ELAVL2: variants seen among roughly 807,000 people sequenced by gnomAD.
ELAVL2 encodes the protein ELAV like RNA binding protein 2, also known as ELAV-like protein 2.
ELAVL2 carries 4 observed loss-of-function variants against 34.6 expected under a neutral mutation model. The ratio of observed to expected loss-of-function variants is 0.12; its 90% CI spans 0.06 to 0.26. The LOEUF (loss-of-function observed/expected upper bound fraction) is 0.26, where lower values mean the gene tolerates loss of function less well. Among genes scored for constraint, ELAVL2 ranks in the 10% least tolerant of loss-of-function variants. The pLI, the probability that ELAVL2 is intolerant of heterozygous loss-of-function variation, is 1.00. For synonymous variants in ELAVL2, 193 were observed against 154.8 expected (o/e 1.25, Z -1.83); for missense variants, 432 against 442.8 (o/e 0.98, Z 0.22).
At chr9:23,732,414 A>AT (rs1377039393) in intron 2 of ELAVL2, among the ~76,000 whole-genome samples, 2 of 152,288 alleles carry the variant, frequency 1.3e-5, no homozygotes, top group East Asian at 3.9e-4. Flanking sequence ...ATCAAAATGT[A>AT]TTTTTTCCTT....
chr9:23,800,775 G>A (rs537245498), intron 1 of ELAVL2, among the ~76,000 whole-genome samples: 7 of 152,122 alleles, frequency 4.6e-5, no homozygotes, highest in Non-Finnish European at 7.3e-5. Flanking sequence ...AACAGATGAC[G>A]TATGAAATTT....
At chr9:23,776,739 CAAAAAAAAAA>C (rs34583759) in intron 1 of ELAVL2, among the ~76,000 whole-genome samples, 1 of 77,708 alleles carries the variant, frequency 1.3e-5, no homozygotes, top group South Asian at 4.8e-4. Context: ...AGTTTGCTAT[CAAAAAAAAAA>C]AAAAAAAAAA....
At chr9:23,781,655 C>G (rs1160831060) in intron 1 of ELAVL2, among the ~76,000 whole-genome samples, 1 of 151,668 alleles carries the variant, frequency 6.6e-6, no homozygotes, top group Non-Finnish European at 1.5e-5. Context: ...GCTGGGACCA[C>G]AGGTACACAC....
At chr9:23,730,157 C>T (rs958343536) in intron 3 of ELAVL2, among the ~76,000 whole-genome samples, 5 of 152,108 alleles carry the variant, frequency 3.3e-5, no homozygotes, top group African/African-American at 9.7e-5. Context: ...ATTGATGGTA[C>T]AGCTAACTAA....
intron 2 of ELAVL2, among the ~76,000 whole-genome samples, chr9:23,732,000 A>T (rs1284700817): frequency 6.6e-6 from 1 of 152,214 alleles, no homozygotes; most frequent in Non-Finnish European, 1.5e-5. Flanking sequence ...AGTCAATCGC[A>T]ATGGTCTCAA....
Position 23,762,144 on chromosome 9 carries a change from A to G in ELAVL2, c.91T>C (p.Ser31Pro). The G allele has an allele frequency of 6.2e-7, 1 of 1,613,634 alleles. No homozygotes were observed. Among genetic ancestry groups the G allele is most frequent in the Non-Finnish European group, 8.5e-7 (1 of 1,179,636 alleles). Residue 31 changes from serine (S) to proline (P), a missense_variant, in exon 2 of 7, where the codon TCT becomes CCT. Ser to Pro is a moderately conservative substitution (Grantham distance 74, BLOSUM62 -1). Transcript: ENST00000397312. The part of the protein sequence containing the change: ...INNNCSSPVD[S>P]GNTEDSKTNL... ...GTCTTGCTGTCTTCTGTGTTCCCAG[A>G]GTCAACTGGTGACGAACAGTTGTTG...
chr9:23,780,716 A>G (rs957649172), intron 1 of ELAVL2, among the ~76,000 whole-genome samples: 2 of 152,252 alleles, frequency 1.3e-5, no homozygotes, highest in African/African-American at 4.8e-5. Flanking sequence ...TTCCATAACT[A>G]AAACATCAGA....
At chr9:23,820,147 T>C (rs778134957) in intron 1 of ELAVL2, among the ~76,000 whole-genome samples, 28 of 152,176 alleles carry the variant, frequency 1.8e-4, no homozygotes, top group Non-Finnish European at 3.2e-4. Flanking sequence ...GGCGAAACGA[T>C]TCTTGAGAAA....
the ELAVL2 span, among the ~76,000 whole-genome samples, chr9:23,835,023 C>G: frequency 1.3e-5 from 2 of 152,000 alleles, no homozygotes; most frequent in African/African-American, 4.8e-5. Flanking sequence ...ATAACAGAGG[C>G]ATTAGGAATT....
the ELAVL2 span, among the ~76,000 whole-genome samples, chr9:23,834,024 A>G: frequency 3.3e-5 from 5 of 151,952 alleles, no homozygotes; most frequent in African/African-American, 1.2e-4. Context: ...CAAAAGGCCC[A>G]TTTCAATTTG....
chr9:23,839,789 A>G, the ELAVL2 span, among the ~76,000 whole-genome samples: 1 of 152,190 alleles, frequency 6.6e-6, no homozygotes, highest in Non-Finnish European at 1.5e-5. Flanking sequence ...CTTTATATAA[A>G]GAAAGCAAAA....
intron 1 of ELAVL2, among the ~76,000 whole-genome samples, chr9:23,811,504 T>C (rs901663734): frequency 2.0e-5 from 3 of 152,204 alleles, no homozygotes; most frequent in African/African-American, 4.8e-5. Flanking sequence ...GGAGAAGGCA[T>C]AGATCAATGC....
chr9:23,745,800 C>A (rs139759884), intron 2 of ELAVL2, among the ~76,000 whole-genome samples: 2 of 152,272 alleles, frequency 1.3e-5, no homozygotes, highest in East Asian at 3.9e-4. Flanking sequence ...TGTTTTACCA[C>A]AAGATATATG....
At chr9:23,847,516 A>T in the ELAVL2 span, 2 of 152,258 alleles carry the variant, frequency 1.3e-5, no homozygotes, top group East Asian at 3.9e-4. Context: ...GCTATTTGTA[A>T]AACTTATTCT....
At chr9:23,807,833 T>C (rs1249293757) in intron 1 of ELAVL2, among the ~76,000 whole-genome samples, 2 of 152,208 alleles carry the variant, frequency 1.3e-5, no homozygotes, top group Non-Finnish European at 2.9e-5. Context: ...ACTGATAATA[T>C]TTCAAAATCC....
At chr9:23,724,959 A>G (rs113102040) in intron 3 of ELAVL2, among the ~76,000 whole-genome samples, 5 of 152,178 alleles carry the variant, frequency 3.3e-5, no homozygotes, top group African/African-American at 9.6e-5. Flanking sequence ...TCTTCCAACT[A>G]TTACTTCTAA....
chr9:23,726,275 T>C (rs1028258865), intron 3 of ELAVL2, among the ~76,000 whole-genome samples: 1 of 152,142 alleles, frequency 6.6e-6, no homozygotes, highest in African/African-American at 2.4e-5. Context: ...AATAGAATTT[T>C]CCAAATGTGG....
intron 3 of ELAVL2, among the ~76,000 whole-genome samples, chr9:23,724,190 T>C (rs968237268): frequency 2.6e-5 from 4 of 152,156 alleles, no homozygotes; most frequent in Non-Finnish European, 4.4e-5. Context: ...CAGTCAACTG[T>C]TGAGACTCTT....
chr9:23,708,711 G>A (rs958741995), intron 3 of ELAVL2, among the ~76,000 whole-genome samples: 5 of 152,102 alleles, frequency 3.3e-5, no homozygotes, highest in African/African-American at 7.2e-5. Flanking sequence ...GGGTGATCTC[G>A]GCTCACTGTA....
Sources: gnomAD v4.1 joint callset for allele counts (sites outside exome capture counted in the v4.1 genomes callset) on GRCh38, gnomAD v4.1.1 for gene constraint, MANE v1.5 for transcripts, NCBI Gene and HGNC (gene_info 2026-07-23, HGNC 2026-07-21) for gene names.